REV3L: variants seen among roughly 807,000 people sequenced by gnomAD.
The protein encoded by REV3L is DNA polymerase zeta catalytic subunit.
In REV3L, 69 loss-of-function variants were observed where a neutral mutation model predicts 299.4. The ratio of observed to expected loss-of-function variants is 0.23; its 90% confidence interval spans 0.19 to 0.28. REV3L has a LOEUF of 0.28. REV3L is among the 10% of genes least tolerant of loss of function. REV3L has a pLI of 1.00. For synonymous variants in REV3L, 1,238 were observed against 1,271.4 expected, an observed-to-expected ratio of 0.97 and a Z score of 0.56; for missense variants, 3,128 against 3,693.8, an observed-to-expected ratio of 0.85 and a Z score of 3.97.
intron 1 of REV3L, among the ~76,000 whole-genome samples, chr6:111,459,661 T>A (rs1790533324): frequency 6.6e-6 from 1 of 151,816 alleles, no homozygotes; most frequent in Non-Finnish European, 1.5e-5. Context: ...AAAAAAAAAT[T>A]GAAAAAATGC....
chr6:111,319,245 G>A (rs1237983498), intron 26 of REV3L, among the ~76,000 whole-genome samples: 2 of 152,022 alleles, frequency 1.3e-5, no homozygotes, highest in Non-Finnish European at 2.9e-5. Context: ...GGTGGATCAC[G>A]AGGTCAGGAG....
At chr6:111,357,680 G>A (rs1448115876) in intron 17 of REV3L, among the ~76,000 whole-genome samples, 2 of 151,808 alleles carry the variant, frequency 1.3e-5, no homozygotes, top group South Asian at 2.1e-4. Context: ...GCAACAGAGC[G>A]AGACTCTGTC....
At chr6:111,371,355 G>C (rs1779775980) in intron 13 of REV3L, among the ~76,000 whole-genome samples, 3 of 152,086 alleles carry the variant, frequency 2.0e-5, no homozygotes, top group Admixed American at 1.3e-4. Context: ...TTTGCTGTGT[G>C]TGTGCGTGCG....
chr6:111,337,527 A>C (rs534972332), intron 21 of REV3L, among the ~76,000 whole-genome samples: 9 of 152,184 alleles, frequency 5.9e-5, no homozygotes, highest in Non-Finnish European at 1.0e-4. Context: ...CAGATGATTA[A>C]ATAATTCCTT....
At position 111,373,592 on chromosome 6, in the gene REV3L, C is replaced by T. The variant is rs1780011341; in HGVS notation, c.4763G>A (p.Ser1588Asn). The part of the protein sequence containing the change: ...TSPRKPRTPR[S>N]TKQKEKIPKL... ...GGGGATTTTTTCTTTTTGTTTTGTA[C>T]TTCTGGGAGTTCGAGGTTTTCTTGG... Residue 1588 changes from serine (S) to asparagine (N), a missense_variant, in exon 13 of 32, where the codon AGT (serine) becomes AAT (asparagine). Transcript: ENST00000368802. The T allele has an allele frequency of 6.2e-7, 1 of 1,613,952 alleles. No individual in the cohort carries two copies. Among genetic ancestry groups the T allele is most frequent in the South Asian group, 1.1e-5 (1 of 91,072 alleles).
At chr6:111,340,888 C>G (rs774952442) in intron 21 of REV3L, among the ~76,000 whole-genome samples, 1 of 151,514 alleles carries the variant, frequency 6.6e-6, no homozygotes, top group African/African-American at 2.4e-5. Context: ...TTTTACTTGT[C>G]AAAAACAGTT....
intron 31 of REV3L, among the ~76,000 whole-genome samples, chr6:111,307,055 T>C (rs913711944): frequency 5.3e-5 from 8 of 152,198 alleles, no homozygotes; most frequent in African/African-American, 1.9e-4. Flanking sequence ...GCATTTTGAA[T>C]TTTGATTTTT....
At chr6:111,355,168 T>C (rs1401707705) in intron 18 of REV3L, among the ~76,000 whole-genome samples, 1 of 152,168 alleles carries the variant, frequency 6.6e-6, no homozygotes, top group African/African-American at 2.4e-5. Flanking sequence ...CTTTTCGTGT[T>C]TGTCACTTGA....
At chr6:111,431,530 C>A (rs527542690) in intron 1 of REV3L, 15 of 838,178 alleles carry the variant, frequency 1.8e-5, no homozygotes, top group South Asian at 1.4e-4. Flanking sequence ...CAACACCAGA[C>A]CCCCTCCCAA....
At chr6:111,473,389 A>G (rs1427671045) in intron 1 of REV3L, among the ~76,000 whole-genome samples, 1 of 152,080 alleles carries the variant, frequency 6.6e-6, no homozygotes, top group African/African-American at 2.4e-5. Flanking sequence ...TCCAATCAAA[A>G]GCAAGATGAG....
intron 4 of REV3L, among the ~76,000 whole-genome samples, chr6:111,394,188 T>C (rs532479608): frequency 9.2e-5 from 14 of 152,344 alleles, no homozygotes; most frequent in Non-Finnish European, 1.9e-4. Context: ...ATGGTAGTTC[T>C]AGTTTTTGGT....
intron 26 of REV3L, 57 bp downstream of exon 26, chr6:111,322,512 C>A: frequency 7.7e-7 from 1 of 1,306,136 alleles, no homozygotes; most frequent in Non-Finnish European, 1.1e-6. Context: ...ATTTTAAACA[C>A]TGAAATGAAG....
intron 28 of REV3L, chr6:111,312,297 G>A (rs1281839155): frequency 6.6e-6 from 1 of 151,966 alleles, no homozygotes; most frequent in Non-Finnish European, 1.5e-5. Flanking sequence ...TTATATATAT[G>A]ACATAATATA....
At chr6:111,396,444 G>T (rs1245697549) in intron 4 of REV3L, among the ~76,000 whole-genome samples, 2 of 151,794 alleles carry the variant, frequency 1.3e-5, no homozygotes, top group Non-Finnish European at 2.9e-5. Context: ...ATGCTGACCT[G>T]TAGTTTTCTT....
intron 31 of REV3L, among the ~76,000 whole-genome samples, chr6:111,302,118 C>T (rs1771620673): frequency 6.6e-6 from 1 of 152,160 alleles, no homozygotes; most frequent in South Asian, 2.1e-4. Flanking sequence ...GAAGGGCACA[C>T]TTTTTCTAAG....
At chr6:111,308,306 G>A (rs536794450) in intron 30 of REV3L, 25 of 451,212 alleles carry the variant, frequency 5.5e-5, no homozygotes, top group Non-Finnish European at 7.5e-5. Flanking sequence ...CATTCTTGCC[G>A]ATGATGAAAT....
intron 9 of REV3L, among the ~76,000 whole-genome samples, chr6:111,386,465 A>T (rs909620280): frequency 1.3e-5 from 2 of 152,202 alleles, no homozygotes; most frequent in African/African-American, 4.8e-5. Flanking sequence ...TAGTGAGGAT[A>T]TAGAGCCAGA....
Position 111,300,021 on chromosome 6 carries a change from A to G in REV3L, c.9388T>C (p.Phe3130Leu). Residue 3130 changes from phenylalanine (F) to leucine (L), a missense_variant, in exon 32 of 32, where the codon TTT becomes CTT. This residue lies in a region of REV3L where 294 missense variants were observed against 377.0 expected (regional missense o/e 0.78). Transcript: ENST00000368802. The part of the protein sequence containing the change: ...APYLRQLLDQ[F>L] ...AATACTGTGATATTGACAATTTAAA[A>G]CTGGTCTAATAACTGCCGGAGATAT... The G allele has an allele frequency of 6.2e-7, 1 of 1,611,604 alleles. No individual in the cohort carries two copies. Among genetic ancestry groups the G allele is most frequent in the South Asian group, 1.1e-5 (1 of 90,418 alleles).
chr6:111,344,460 T>C (rs1482537846), intron 20 of REV3L, among the ~76,000 whole-genome samples: 3 of 152,190 alleles, frequency 2.0e-5, no homozygotes, highest in Non-Finnish European at 4.4e-5. Flanking sequence ...AGGTGAGTTA[T>C]CTAGTTAAAG....
Sources: allele counts gnomAD v4.1 joint callset (sites outside exome capture counted in the v4.1 genomes callset), GRCh38; gene constraint gnomAD v4.1.1; regional missense constraint gnomAD v4.1.1; transcripts MANE v1.5; gene names NCBI Gene and HGNC (gene_info 2026-07-23, HGNC 2026-07-21).